The following STAB1 variants were observed in gnomAD, a reference collection of about 807,000 sequenced individuals.
The protein encoded by STAB1 is stabilin 1.
A neutral mutation model predicts 332.4 loss-of-function variants in STAB1; 250 were observed. That is an observed-to-expected ratio of 0.75 (90% CI 0.68 to 0.84). The LOEUF (loss-of-function observed/expected upper bound fraction) is 0.84. Ranked by LOEUF, STAB1 falls within the 40% of genes least tolerant of loss-of-function variation. The pLI is 0.00. For missense variants in STAB1, 3,249 were observed against 3,489.7 expected (o/e 0.93, Z 1.74); for synonymous variants, 1,475 against 1,390.4 (o/e 1.06, Z -1.35).
rs547879248 is a variant in STAB1, at chr3:52,506,572, C to A, written c.1831-120C>A. 1.6e-4 allele frequency: 185 copies of A among 1,143,488 alleles called. No homozygotes were observed. The East Asian group carries it at 3.8e-3, about 23-fold the overall frequency. The allele number at this position is 1,143,488 out of a possible 1,614,324, so 70.8% of individuals were successfully genotyped here. A position where few individuals can be genotyped will look rare whatever the true frequency, so the allele number is the denominator to read the frequency against. ...GAGGTGGCTGGTATGGCCAGCGGGGCCTTCAGCAGCTCACTGAGCTGCCTG... is the reference window on the plus strand; with the variant it reads ...GAGGTGGCTGGTATGGCCAGCGGGGACTTCAGCAGCTCACTGAGCTGCCTG... On this transcript the variant is annotated intron_variant, in intron 17 of 68. Coordinates refer to ENST00000321725, the MANE Select transcript of STAB1 (RefSeq NM_015136.3).
rs1708632163 is a variant in STAB1 at position 52,503,797 on chromosome 3, T to C, written c.917T>C (p.Leu306Pro). 20 of 1,613,208 alleles carry C rather than the reference T, an allele frequency of 1.2e-5. No homozygotes were observed. Among genetic ancestry groups the C allele is most frequent in the Non-Finnish European group, 1.6e-5 (19 of 1,180,026 alleles). ...GQAFCTCRPGLVSINSNASAG... is the reference protein window; with the variant it reads ...GQAFCTCRPGPVSINSNASAG... Reference sequence around the variant, plus strand: ...GCCTTCTGCACCTGCCGGCCAGGCCTGGTCAGCATCAACAGCAACGCTTCT... The same window carrying C: ...GCCTTCTGCACCTGCCGGCCAGGCCCGGTCAGCATCAACAGCAACGCTTCT... Residue 306 changes from leucine (L) to proline (P), a missense_variant, in exon 9 of 69, where the codon CTG (leucine) becomes CCG (proline). Physicochemically the swap from Leu to Pro is moderately conservative, Grantham distance 98. Coordinates refer to ENST00000321725, the MANE Select transcript of STAB1 (RefSeq NM_015136.3).
chr3:52,519,318 G>T lies in STAB1; in HGVS notation c.5089G>T (p.Val1697Leu). 6.2e-7 allele frequency: 1 copy of T among 1,613,122 alleles called. No homozygotes were observed. The highest frequency in any genetic ancestry group is 8.5e-7 in the Non-Finnish European group (1 of 1,179,998). Residue 1697 changes from valine (V) to leucine (L), a missense_variant, in exon 49 of 69, where the codon GTG (valine) becomes TTG (leucine). Coordinates refer to ENST00000321725, the MANE Select transcript of STAB1 (RefSeq NM_015136.3). Reference sequence around the variant, plus strand: ...CGTGGTGAGCAGCGACCATGAGGCCGTGAACGGCATCCTGCACTTCATTGA... The same window carrying T: ...CGTGGTGAGCAGCGACCATGAGGCCTTGAACGGCATCCTGCACTTCATTGA... ...ARVVSSDHEA[V>L]NGILHFIDRV... is the part of the protein sequence containing the mutation.
chr3:52,496,438 C>T (rs1486510337), intron 1 of STAB1, among the ~76,000 whole-genome samples: 1 of 152,234 alleles, frequency 6.6e-6, no homozygotes, highest in African/African-American at 2.4e-5. Context: ...CAGGATCCCA[C>T]AGGCAGTCCA....
At chr3:52,501,900 C>T in intron 3 of STAB1, 106 bp from the exon 4 acceptor site, 1 of 1,479,506 alleles carries the variant, frequency 6.8e-7, no homozygotes, top group South Asian at 1.2e-5. Context: ...CCCCCTTGCT[C>T]TTGCTTCCTT....
At position 52,517,555 on chromosome 3, in the gene STAB1, C is replaced by T. The variant is rs1381277857; in HGVS notation, c.4569C>T (p.Ser1523=). The part of the protein sequence containing the change: ...ECIPTGPQQV[S]CSCREGYSGD... ...CTGATCAAGACTGGGGACAGGTCTC[C>T]TGCAGCTGCCGTGAGGGTTACAGCG... The change falls in exon 44 of 69, where the codon TCC becomes TCT. Residue 1523 remains serine, a synonymous_variant. Transcript: ENST00000321725. The T allele has an allele frequency of 6.2e-7, 1 of 1,612,744 alleles. No homozygotes were observed. Among genetic ancestry groups the T allele is most frequent in the Admixed American group, 1.7e-5 (1 of 59,992 alleles).
At chr3:52,514,624 G>A in intron 34 of STAB1, 77 bp from the exon 35 acceptor site, 1 of 1,601,338 alleles carries the variant, frequency 6.2e-7, no homozygotes, top group Non-Finnish European at 8.5e-7. Context: ...CCCCGGCCCT[G>A]GAGTACTGCC....
At position 52,520,537 on chromosome 3, in the gene STAB1, G is replaced by A; in HGVS notation, c.5637G>A (p.Arg1879=). 1.9e-6 allele frequency: 3 copies of A among 1,611,438 alleles called. No homozygotes were observed. The highest frequency in any genetic ancestry group is 8.5e-7 in the Non-Finnish European group (1 of 1,178,980). The change falls in exon 53 of 69, where the codon CGG becomes CGA. Residue 1879 remains arginine, a synonymous_variant. Coordinates refer to ENST00000321725, the MANE Select transcript of STAB1 (RefSeq NM_015136.3). ...LGARCDHFET[R]PLRLNTCSIC... is the part of the protein sequence containing the mutation. ...CTCGCTGTGACCACTTTGAGACCCG[G>A]CCCCTGCGACTGGTGAGGGAGGCCA...
In STAB1 at chr3:52,517,080, G is replaced by T. The variant is rs777626924; in HGVS notation, c.4460G>T (p.Gly1487Val). 2.5e-6 allele frequency: 4 copies of T among 1,580,396 alleles called. No homozygotes were observed. The highest frequency in any genetic ancestry group is 3.4e-6 in the Non-Finnish European group (4 of 1,162,616). ...CAGCGGACATGCACCTGCCAGGATG[G>T]CTACATGGGCGACGGGGAGCTGTGC... ...PGQRTCTCQD[G>V]YMGDGELCQE... The change falls in exon 42 of 69, where the codon GGC becomes GTC. Residue 1487 changes from glycine to valine, a missense_variant. Coordinates refer to ENST00000321725, the MANE Select transcript of STAB1 (RefSeq NM_015136.3).
rs1443722032 is a variant in STAB1 at position 52,495,387 on chromosome 3, C to G, written c.-27C>G. 1 of 1,320,394 alleles carries G rather than the reference C, an allele frequency of 7.6e-7. No homozygotes were observed. Among genetic ancestry groups the G allele is most frequent in the East Asian group, 2.8e-5 (1 of 35,580 alleles). 81.8% of individuals were successfully genotyped at this position (1,320,394 alleles called of 1,614,324 possible). ...AGAGCTCATTCCCTACGCCCCGACTCTGTCCTGGACAGCGTGCCCACCAGC... is the reference window on the plus strand; with the variant it reads ...AGAGCTCATTCCCTACGCCCCGACTGTGTCCTGGACAGCGTGCCCACCAGC... On this transcript the variant is annotated 5_prime_UTR_variant, in exon 1 of 69. Coordinates refer to ENST00000321725, the MANE Select transcript of STAB1 (RefSeq NM_015136.3).
At chr3:52,517,292 AC>A in intron 42 of STAB1, 27 bp from the exon 43 acceptor site, 2 of 1,533,158 alleles carry the variant, frequency 1.3e-6, no homozygotes, top group Non-Finnish European at 1.7e-6. Flanking sequence ...ACTAAGGGCC[AC>A]CCCCATCCCA....
rs370482937 is a variant in STAB1, at chr3:52,510,144, G to A, written c.2537G>A (p.Cys846Tyr). ...RCVSQEGVAR[C>Y]RCLDGFEGDG... ...CCCCCTCCTTCACCCACCCCCAGAT[G>A]TCGCTGTCTTGATGGCTTTGAGGGT... is the stretch of plus-strand genomic sequence containing the variant. Residue 846 changes from cysteine to tyrosine, a missense_variant and splice_region_variant, in exon 24 of 69, where the codon TGT becomes TAT. Transcript: ENST00000321725. 30 of 1,613,846 alleles carry A rather than the reference G, an allele frequency of 1.9e-5. No individual in the cohort carries two copies. The Admixed American group carries it at 2.7e-4, about 14-fold the overall frequency.
At chr3:52,502,498 G>A (rs731831) in intron 5 of STAB1, 134 bp from the exon 6 acceptor site, 273,247 of 852,114 alleles carry the variant, frequency 0.32, 47,739 homozygotes, top group East Asian at 0.49. Context: ...CTGTGGTCCC[G>A]CATCACAGCT....
Position 52,524,220 on chromosome 3 carries a change from A to G in STAB1, c.7656+7A>G. 6.2e-7 allele frequency: 1 copy of G among 1,614,060 alleles called. No individual in the cohort carries two copies. On this transcript the variant is annotated splice_region_variant and intron_variant, in intron 68 of 68. Transcript: ENST00000321725. ...CTTTTGTGAACCCTTCGATGTAAGCATGGAAGTGAAGAAGTGTGGCAGATG... is the reference window on the plus strand; with the variant it reads ...CTTTTGTGAACCCTTCGATGTAAGCGTGGAAGTGAAGAAGTGTGGCAGATG...
intron 1 of STAB1, among the ~76,000 whole-genome samples, chr3:52,499,898 CAAAAAAAA>C (rs4045133): frequency 8.1e-5 from 3 of 37,042 alleles, no homozygotes; most frequent in African/African-American, 2.5e-4. Context: ...GACTCCATCT[CAAAAAAAA>C]AAAAAAAAAA....
chr3:52,511,033 G>T (rs924993331), intron 25 of STAB1, among the ~76,000 whole-genome samples: 1 of 152,254 alleles, frequency 6.6e-6, no homozygotes, highest in Non-Finnish European at 1.5e-5. Flanking sequence ...CAACTCCAAG[G>T]TGGCCTCTGG....
intron 46 of STAB1, 63 bp from the exon 47 acceptor site, chr3:52,518,473 C>T: frequency 6.4e-7 from 1 of 1,561,954 alleles, no homozygotes; most frequent in Non-Finnish European, 8.7e-7. Flanking sequence ...AGGTCTTCCC[C>T]AGGAGATCCA....
At chr3:52,497,439 GTC>G (rs972011443) in intron 1 of STAB1, among the ~76,000 whole-genome samples, 1 of 115,074 alleles carries the variant, frequency 8.7e-6, no homozygotes, top group Non-Finnish European at 1.7e-5. Flanking sequence ...TTGAGATGGT[GTC>G]TCTCTCTGTT....
In STAB1 at chr3:52,516,989, G is replaced by A; in HGVS notation, c.4369G>A (p.Asp1457Asn). 3 of 1,610,404 alleles carry A rather than the reference G, an allele frequency of 1.9e-6. No homozygotes were observed. The highest frequency in any genetic ancestry group is 2.5e-6 in the Non-Finnish European group (3 of 1,179,152). ...SGNGIFCSEVDPCAHGHGGCS... is the reference protein window; with the variant it reads ...SGNGIFCSEVNPCAHGHGGCS... ...CTCTGGCCATCTCCCCTTAGAGGTG[G>A]ACCCCTGCGCCCACGGCCATGGGGG... Residue 1457 changes from aspartate to asparagine, a missense_variant, in exon 42 of 69, where the codon GAC (aspartate) becomes AAC (asparagine). Asp to Asn is a conservative substitution (Grantham distance 23). Coordinates refer to ENST00000321725, the MANE Select transcript of STAB1 (RefSeq NM_015136.3).
chr3:52,508,432 C>A, intron 21 of STAB1, 73 bp downstream of exon 21: 1 of 1,473,372 alleles, frequency 6.8e-7, no homozygotes, highest in Non-Finnish European at 9.3e-7. Context: ...CAGTGACTGG[C>A]TGTGTGTCTG....
Sources: gnomAD v4.1 joint callset for allele counts (sites outside exome capture counted in the v4.1 genomes callset) on GRCh38, gnomAD v4.1.1 for gene constraint, MANE v1.5 for transcripts, NCBI Gene and HGNC (gene_info 2026-07-23, HGNC 2026-07-21) for gene names.